Variants in STK11IP observed in about 807,000 individuals in gnomAD.
The protein encoded by STK11IP is serine/threonine kinase 11 interacting protein, also known as serine/threonine-protein kinase 11-interacting protein.
In STK11IP, 103 loss-of-function variants were observed where a neutral mutation model predicts 131.7. The observed-to-expected ratio is 0.78, with a 90% CI of 0.67 to 0.92. STK11IP has a LOEUF of 0.92. Among genes scored for constraint, STK11IP ranks in the 40% least tolerant of loss-of-function variants. STK11IP has a pLI of 0.00. For missense variants in STK11IP, 1,315 were observed against 1,385.7 expected, an observed-to-expected ratio of 0.95 and a Z score of 0.81; for synonymous variants, 557 against 575.6, an observed-to-expected ratio of 0.97 and a Z score of 0.46.
In STK11IP at chr2:219,611,623, T is replaced by C. The variant is rs1304788556; in HGVS notation, c.2124T>C (p.Pro708=). Residue 708 remains proline (P), a synonymous_variant, in exon 18 of 25, where the codon CCT becomes CCC. Transcript: ENST00000456909. ...CTCCAGAATCTCCTGCTGTGTGTCC[T>C]AACTGTGGTAGTGACCACGTGGTTC... ...FQKTESPAVC[P]NCGSDHVVLL... is the part of the protein sequence containing the mutation. The C allele has an allele frequency of 6.2e-7, 1 of 1,612,996 alleles. No individual in the cohort carries two copies. The highest frequency in any genetic ancestry group is 1.7e-5 in the Admixed American group (1 of 60,006).
In STK11IP at chr2:219,602,455, T is replaced by G. The variant is rs1393034873; in HGVS notation, c.439-13T>G. 1 of 1,600,348 alleles carries G rather than the reference T, an allele frequency of 6.2e-7. No homozygotes were observed. Among genetic ancestry groups the G allele is most frequent in the Non-Finnish European group, 8.6e-7 (1 of 1,168,370 alleles). On this transcript the variant is annotated splice_polypyrimidine_tract_variant and intron_variant, in intron 5 of 24. Coordinates refer to ENST00000456909, the MANE Select transcript of STK11IP (RefSeq NM_052902.4). ...GGAGGGTGGGGTAATGAAGCACCCA[T>G]CTGTCTGCTCAGGAGCTCCTCTCAG...
rs981105154 is a variant in STK11IP at position 219,608,667 on chromosome 2, C to T, written c.1688C>T (p.Ser563Phe). The T allele has an allele frequency of 3.7e-6, 6 of 1,613,738 alleles. No individual in the cohort carries two copies. The highest frequency in any genetic ancestry group is 3.4e-6 in the Non-Finnish European group (4 of 1,179,850). Residue 563 changes from serine to phenylalanine, a missense_variant, in exon 15 of 25, where the codon TCT becomes TTT. Transcript: ENST00000456909. ...AGGGAATGCTTTCTCAGGGTCACTT[C>T]TGCCCACCTGTTTGAGGTGGAACTC... is the stretch of plus-strand genomic sequence containing the variant. ...RGRECFLRVTSAHLFEVELQA... is the reference protein window; with the variant it reads ...RGRECFLRVTFAHLFEVELQA...
intron 17 of STK11IP, chr2:219,609,744 GTTT>G (rs11365689): frequency 9.1e-3 from 3,536 of 387,318 alleles, no homozygotes; most frequent in South Asian, 0.012. Context: ...ACTATATCCT[GTTT>G]TTTTTTTTTT....
At chr2:219,605,880 T>G in intron 8 of STK11IP, 76 bp from the exon 9 acceptor site, 1 of 1,469,450 alleles carries the variant, frequency 6.8e-7, no homozygotes, top group Admixed American at 2.0e-5. Flanking sequence ...TGCTGCAACC[T>G]CCCCCAGTGC....
Position 219,605,969 on chromosome 2 carries a change from G to A in STK11IP, c.759G>A (p.Leu253=). Residue 253 remains leucine (L), a synonymous_variant, in exon 9 of 25, where the codon CTG becomes CTA. Coordinates refer to ENST00000456909, the MANE Select transcript of STK11IP (RefSeq NM_052902.4). ...CGTCCACCCCAGGCCTAGAGCAGCT[G>A]AGGAATCTGCGGCACCTGGATTTGG... ...ELRSLHGLEQ[L]RNLRHLDLAY... is the part of the protein sequence containing the mutation. 6.2e-7 allele frequency: 1 copy of A among 1,605,746 alleles called. No individual in the cohort carries two copies. Among genetic ancestry groups the A allele is most frequent in the Non-Finnish European group, 8.5e-7 (1 of 1,176,264 alleles).
chr2:219,615,906 G>A, intron 24 of STK11IP, 138 bp from the exon 25 acceptor site: 1 of 1,101,892 alleles, frequency 9.1e-7, no homozygotes, highest in Admixed American at 2.1e-5. Flanking sequence ...GATCTTTTAT[G>A]GGGAGTGACA....
At position 219,608,205 on chromosome 2, in the gene STK11IP, T is replaced by G. The variant is rs761636272; in HGVS notation, c.1378T>G (p.Ser460Ala). Residue 460 changes from serine to alanine, a missense_variant, in exon 14 of 25, where the codon TCC becomes GCC. Coordinates refer to ENST00000456909, the MANE Select transcript of STK11IP (RefSeq NM_052902.4). ...TGCACCCAGTGCACCTCCAGCCAGC[T>G]CCCAGGGCCCCGACACTGCACCCAG... ...TSAPSAPPASSQGPDTAPRPS... is the reference protein window; with the variant it reads ...TSAPSAPPASAQGPDTAPRPS... 9.3e-6 allele frequency: 15 copies of G among 1,613,200 alleles called. No homozygotes were observed. Among genetic ancestry groups the G allele is most frequent in the Non-Finnish European group, 1.2e-5 (14 of 1,179,854 alleles).
At position 219,609,514 on chromosome 2, in the gene STK11IP, G is replaced by A. The variant is rs1393479789; in HGVS notation, c.2078G>A (p.Gly693Asp). ...AGGATGGGATTAGACAGTGAGGAAGGCTGGAGGCCTCTGTTCCAAAAGACA... is the reference window on the plus strand; with the variant it reads ...AGGATGGGATTAGACAGTGAGGAAGACTGGAGGCCTCTGTTCCAAAAGACA... The part of the protein sequence containing the change: ...EPRMGLDSEE[G>D]WRPLFQKTES... The change falls in exon 17 of 25, where the codon GGC becomes GAC. Residue 693 changes from glycine to aspartate, a missense_variant. By Grantham distance (94) the Gly-to-Asp change is moderately conservative (BLOSUM62 -1). Transcript: ENST00000456909. 1 of 1,581,946 alleles carries A rather than the reference G, an allele frequency of 6.3e-7. No homozygotes were observed. The highest frequency in any genetic ancestry group is 8.6e-7 in the Non-Finnish European group (1 of 1,163,410).
Position 219,613,900 on chromosome 2 carries a change from C to T in STK11IP, c.2686C>T (p.His896Tyr). Reference sequence around the variant, plus strand: ...TGTGCTGCTGCCCCGAGATGCCAGGCATTGCCGGGCCTTCCTAGAGGAGCT... The same window carrying T: ...TGTGCTGCTGCCCCGAGATGCCAGGTATTGCCGGGCCTTCCTAGAGGAGCT... ...RCVLLPRDAR[H>Y]CRAFLEELLD... Residue 896 changes from histidine (H) to tyrosine (Y), a missense_variant, in exon 21 of 25, where the codon CAT (histidine) becomes TAT (tyrosine). By Grantham distance (83) the His-to-Tyr change is moderately conservative (BLOSUM62 2). Transcript: ENST00000456909. 6.7e-7 allele frequency: 1 copy of T among 1,500,570 alleles called. No individual in the cohort carries two copies. The highest frequency in any genetic ancestry group is 1.1e-5 in the South Asian group (1 of 89,484). The allele number at this position is 1,500,570 out of a possible 1,614,324, so 93.0% of individuals were successfully genotyped here.
In STK11IP at chr2:219,601,458, G is replaced by A. The variant is rs1399397337; in HGVS notation, c.267+18G>A. 1 of 1,613,320 alleles carries A rather than the reference G, an allele frequency of 6.2e-7. No homozygotes were observed. Reference sequence around the variant, plus strand: ...CACTCAAGGTTCTGGGTGTGGGGAAGAGGCAGGATGTGCAAGGAGCCCAAG... The same window carrying A: ...CACTCAAGGTTCTGGGTGTGGGGAAAAGGCAGGATGTGCAAGGAGCCCAAG... On this transcript the variant is annotated intron_variant, in intron 3 of 24. Transcript: ENST00000456909.
At chr2:219,605,447 A>T in intron 7 of STK11IP, 161 bp from the exon 8 acceptor site, 1 of 665,248 alleles carries the variant, frequency 1.5e-6, no homozygotes, top group South Asian at 1.8e-5. Flanking sequence ...GTGTTGTTCA[A>T]GTCTTTTAAC....
intron 19 of STK11IP, 200 bp from the exon 20 acceptor site, chr2:219,612,928 G>T: frequency 3.6e-6 from 2 of 563,270 alleles, no homozygotes; most frequent in Non-Finnish European, 3.2e-6. Context: ...AGCTGCTGAG[G>T]CTCTGAGCGG....
Position 219,609,198 on chromosome 2 carries a change from C to T in STK11IP, c.1911C>T (p.Ala637=), listed in dbSNP as rs748632660. ...LRRYLVLEPD[A]HAAVQELLAV... is the part of the protein sequence containing the mutation. ...GCTATTTGGTGCTGGAGCCTGATGC[C>T]CACGCAGCTGTCCAGGTGATGGCGC... Residue 637 remains alanine, a synonymous_variant, in exon 16 of 25, where the codon GCC becomes GCT. Coordinates refer to ENST00000456909, the MANE Select transcript of STK11IP (RefSeq NM_052902.4). 5 of 1,604,868 alleles carry T rather than the reference C, an allele frequency of 3.1e-6. No homozygotes were observed. The highest frequency in any genetic ancestry group is 2.2e-5 in the South Asian group (2 of 89,278).
At chr2:219,612,872 T>C (rs766066355) in intron 19 of STK11IP, among the ~76,000 whole-genome samples, 1 of 152,132 alleles carries the variant, frequency 6.6e-6, no homozygotes, top group Non-Finnish European at 1.5e-5. Flanking sequence ...TTAGAATAGT[T>C]AGTCTGGCGG....
At chr2:219,600,041 G>GTTTTTTTTTT (rs1203746448) in intron 2 of STK11IP, among the ~76,000 whole-genome samples, 1 of 91,932 alleles carries the variant, frequency 1.1e-5, no homozygotes, top group African/African-American at 4.1e-5. Context: ...TGCCCTTTGT[G>GTTTTTTTTTT]TTTTTTTTTT....
intron 13 of STK11IP, 112 bp downstream of exon 13, chr2:219,607,249 A>G (rs909706478): frequency 4.1e-6 from 4 of 987,596 alleles, no homozygotes; most frequent in Admixed American, 2.7e-5. Context: ...GGGGTAGAGT[A>G]TTATAGAGGG....
At position 219,614,294 on chromosome 2, in the gene STK11IP, A is replaced by G. The variant is rs1346352905; in HGVS notation, c.2798+52A>G. On this transcript the variant is annotated intron_variant, in intron 22 of 24. Coordinates refer to ENST00000456909, the MANE Select transcript of STK11IP (RefSeq NM_052902.4). ...GGTTGCTGCCCAATCCTCTTTCCAC[A>G]GAGCCCCAGACATGGCCCTGTGCTG... is the stretch of plus-strand genomic sequence containing the variant. The G allele has an allele frequency of 3.1e-6, 5 of 1,602,488 alleles. No homozygotes were observed. The East Asian group carries it at 1.1e-4, about 36-fold the overall frequency.
chr2:219,609,593 A>T, intron 17 of STK11IP, 53 bp downstream of exon 17: 1 of 1,548,378 alleles, frequency 6.5e-7, no homozygotes, highest in Non-Finnish European at 8.7e-7. Context: ...TGTTCCAGGG[A>T]AAGTGGCTCT....
Position 219,602,760 on chromosome 2 carries a change from G to C in STK11IP, c.602G>C (p.Cys201Ser), listed in dbSNP as rs1419406879. The stretch of plus-strand genomic sequence containing the variant: ...CTAAGCCACAATCAAGTCCAGGACT[G>C]TCAGGGATTCCTGATGGTGAGTATG... ...LNLSHNQVQDCQGFLMDLCEL... is the reference protein window; with the variant it reads ...LNLSHNQVQDSQGFLMDLCEL... Residue 201 changes from cysteine (C) to serine (S), a missense_variant, in exon 7 of 25, where the codon TGT becomes TCT. Coordinates refer to ENST00000456909, the MANE Select transcript of STK11IP (RefSeq NM_052902.4). The C allele has an allele frequency of 1.2e-6, 2 of 1,612,020 alleles. No homozygotes were observed. Among genetic ancestry groups the C allele is most frequent in the Non-Finnish European group, 1.7e-6 (2 of 1,179,110 alleles).
Sources: gnomAD v4.1 joint callset for allele counts (sites outside exome capture counted in the v4.1 genomes callset) on GRCh38, gnomAD v4.1.1 for gene constraint, MANE v1.5 for transcripts, NCBI Gene and HGNC (gene_info 2026-07-23, HGNC 2026-07-21) for gene names.